Variants in FOXP4 observed in about 807,000 individuals in gnomAD.
FOXP4 encodes forkhead box P4.
Under a neutral mutation model 82.6 loss-of-function variants are expected in FOXP4, and 25 were observed. The ratio of observed to expected loss-of-function variants is 0.30; its 90% CI spans 0.22 to 0.42. FOXP4 has a LOEUF of 0.42. Among genes scored for constraint, FOXP4 ranks in the 10% least tolerant of loss-of-function variants. The probability of loss-of-function intolerance (pLI) is 1.00; values close to 1 mark genes in which losing one functional copy is unlikely to be tolerated. For synonymous variants in FOXP4, 415 were observed against 388.2 expected, an observed-to-expected ratio of 1.07 and a Z score of -0.81; for missense variants, 785 against 900.9, an observed-to-expected ratio of 0.87 and a Z score of 1.65.
intron 1 of FOXP4, among the ~76,000 whole-genome samples, chr6:41,560,749 G>A (rs989941224): frequency 1.3e-5 from 2 of 152,278 alleles, no homozygotes; most frequent in Non-Finnish European, 2.9e-5. Flanking sequence ...CAGGGCGGGC[G>A]GTGCGGGTTC....
chr6:41,568,111 A>G (rs934251412), intron 2 of FOXP4, among the ~76,000 whole-genome samples: 1 of 152,214 alleles, frequency 6.6e-6, no homozygotes, highest in African/African-American at 2.4e-5. Context: ...CTTCAAGGGT[A>G]ACATTTTCTG....
chr6:41,588,771 C>G, intron 9 of FOXP4, 40 bp downstream of exon 9: 5 of 1,604,982 alleles, frequency 3.1e-6, no homozygotes, highest in Non-Finnish European at 4.3e-6. Flanking sequence ...ATGGTGGGCT[C>G]CAGCCCCTGC....
intron 1 of FOXP4, among the ~76,000 whole-genome samples, chr6:41,551,123 C>G (rs369080332): frequency 2.6e-5 from 4 of 152,234 alleles, no homozygotes; most frequent in Admixed American, 2.6e-4. Context: ...CCTCTGAATT[C>G]TGCCACTTTG....
intron 13 of FOXP4, 51 bp from the exon 14 acceptor site, chr6:41,594,819 T>A (rs1466688585): frequency 6.2e-7 from 1 of 1,609,182 alleles, no homozygotes; most frequent in Non-Finnish European, 8.5e-7. Context: ...CTATCATGTT[T>A]GTGCTTGGCC....
At position 41,590,018 on chromosome 6, in the gene FOXP4, A is replaced by G; in HGVS notation, c.1205A>G (p.Asp402Gly). Residue 402 changes from aspartate to glycine, a missense_variant, in exon 11 of 17, where the codon GAC becomes GGC. By Grantham distance (94) the Asp-to-Gly change is moderately conservative. This residue lies in a region of FOXP4 where 570 missense variants were observed against 634.0 expected (regional missense o/e 0.90). Transcript: ENST00000307972. Reference sequence around the variant, plus strand: ...TCCAAGGTGACCGTCTCTGCAGCAGACTCATTCCCAGATGGTCTCGTGCAC... The same window carrying G: ...TCCAAGGTGACCGTCTCTGCAGCAGGCTCATTCCCAGATGGTCTCGTGCAC... ...SFSKVTVSAA[D>G]SFPDGLVHPP... The G allele has an allele frequency of 6.2e-7, 1 of 1,613,456 alleles. No individual in the cohort carries two copies. The highest frequency in any genetic ancestry group is 8.5e-7 in the Non-Finnish European group (1 of 1,179,854).
intron 13 of FOXP4, among the ~76,000 whole-genome samples, chr6:41,592,089 C>A (rs1050343399): frequency 6.6e-5 from 10 of 151,986 alleles, no homozygotes; most frequent in Non-Finnish European, 1.2e-4. Flanking sequence ...AGAGTGTTCG[C>A]CCCTGCAGGG....
In FOXP4 at chr6:41,558,480, G is replaced by A. The variant is rs912078973; in HGVS notation, c.-16-7265G>A. 2.6e-5 allele frequency among the ~76,000 whole-genome samples: 4 copies of A among 152,214 alleles called. No individual in the cohort carries two copies. Among genetic ancestry groups the A allele is most frequent in the African/African-American group, 9.7e-5 (4 of 41,442 alleles). On this transcript the variant is annotated intron_variant, in intron 1 of 16. Transcript: ENST00000307972. This position sits in a 1 kb window ranked among gnomAD's most constrained non-coding sequence, Gnocchi z 4.0. Reference sequence around the variant, plus strand: ...CTTCTCTAAACATCTTCCTCATGCAGTGTGTCTTATTTGATACCACTGCAA... The same window carrying A: ...CTTCTCTAAACATCTTCCTCATGCAATGTGTCTTATTTGATACCACTGCAA...
chr6:41,549,749 G>A (rs1219237219), intron 1 of FOXP4, among the ~76,000 whole-genome samples: 3 of 149,252 alleles, frequency 2.0e-5, no homozygotes, highest in Non-Finnish European at 4.5e-5. Flanking sequence ...AGGGTGGAGG[G>A]GAGAAGAATG....
rs757135709 is a variant in FOXP4, at chr6:41,588,737, G to A, written c.1065+6G>A. 1.9e-6 allele frequency: 3 copies of A among 1,613,184 alleles called. No homozygotes were observed. Among genetic ancestry groups the A allele is most frequent in the Admixed American group, 1.7e-5 (1 of 60,030 alleles). On this transcript the variant is annotated splice_donor_region_variant and intron_variant, in intron 9 of 16. Transcript: ENST00000307972. ...TGCAGCAGCTGGAGATCCAGGTGTG[G>A]CCCGGAAGATGCTGGGGAGGGACAT...
At chr6:41,578,142 G>T in intron 3 of FOXP4, 61 bp downstream of exon 3, 1 of 1,409,290 alleles carries the variant, frequency 7.1e-7, no homozygotes, top group African/African-American at 1.4e-5. Context: ...TGGCACAGAG[G>T]GAGGGCAAGG....
At chr6:41,594,746 CTG>C in intron 13 of FOXP4, 122 bp from the exon 14 acceptor site, 1 of 1,449,196 alleles carries the variant, frequency 6.9e-7, no homozygotes, top group Non-Finnish European at 9.3e-7. Context: ...CCCCCCTCCC[CTG>C]CTCATCCCTG....
At chr6:41,567,193 T>G (rs1402493001) in intron 2 of FOXP4, among the ~76,000 whole-genome samples, 1 of 152,226 alleles carries the variant, frequency 6.6e-6, no homozygotes, top group Non-Finnish European at 1.5e-5. Context: ...TGAGCCTGCC[T>G]GAGCCCTGGC....
chr6:41,556,050 A>C (rs895463979), intron 1 of FOXP4, among the ~76,000 whole-genome samples: 8 of 152,180 alleles, frequency 5.3e-5, no homozygotes, highest in Admixed American at 5.2e-4. Flanking sequence ...GGATGGAGCC[A>C]GTAAAAGGTA....
At chr6:41,588,497 GC>G (rs1255601361) in intron 8 of FOXP4, 146 bp from the exon 9 acceptor site, 3 of 748,446 alleles carry the variant, frequency 4.0e-6, no homozygotes, top group African/African-American at 1.7e-5. Context: ...TTCCTCCATT[GC>G]CCCGTTTTTC....
chr6:41,590,880 A>G (rs1306802801), intron 12 of FOXP4, among the ~76,000 whole-genome samples: 1 of 152,174 alleles, frequency 6.6e-6, no homozygotes, highest in Non-Finnish European at 1.5e-5. Flanking sequence ...CCCCGTGGAC[A>G]TCTCTCCCAA....
In FOXP4 at chr6:41,578,020, A is replaced by C. The variant is rs781774675; in HGVS notation, c.239A>C (p.Gln80Pro). Residue 80 changes from glutamine to proline, a missense_variant, in exon 3 of 17, where the codon CAG (glutamine) becomes CCG (proline). Physicochemically the swap from Gln to Pro is moderately conservative, Grantham distance 76 (BLOSUM62 -1). Transcript: ENST00000307972. ...GTGGCCCGGCAGTTCCTGCTGCAGC[A>C]GGCCTCAGGCCTGAGCTCCCCAGGG... is the stretch of plus-strand genomic sequence containing the variant. ...LQVARQFLLQ[Q>P]ASGLSSPGNN... 2.5e-6 allele frequency: 4 copies of C among 1,613,198 alleles called. No homozygotes were observed. In the African/African-American group the frequency reaches 4.0e-5, roughly 16 times the overall value.
chr6:41,577,951 C>G, intron 2 of FOXP4, 35 bp from the exon 3 acceptor site: 1 of 1,549,184 alleles, frequency 6.5e-7, no homozygotes, highest in African/African-American at 1.4e-5. Flanking sequence ...CACCCAGCCT[C>G]CCAGGCCATT....
chr6:41,581,088 A>T (rs1222689416), intron 3 of FOXP4, among the ~76,000 whole-genome samples: 1 of 152,168 alleles, frequency 6.6e-6, no homozygotes, highest in Admixed American at 6.5e-5. Flanking sequence ...GTCCATCCCC[A>T]TCTGGCATTT....
Position 41,596,311 on chromosome 6 carries a change from C to T in FOXP4, c.1659-865C>T, listed in dbSNP as rs1766830029. ...CCGACCTCAAACAGCCCCACCCCAGCCACCTGCTTGCTGTGCCCCTTGGGC... is the reference window on the plus strand; with the variant it reads ...CCGACCTCAAACAGCCCCACCCCAGTCACCTGCTTGCTGTGCCCCTTGGGC... On this transcript the variant is annotated intron_variant, in intron 14 of 16. Coordinates refer to ENST00000307972, the MANE Select transcript of FOXP4 (RefSeq NM_001012426.2). Among the ~76,000 whole-genome samples the T allele has an allele frequency of 2.0e-5, 3 of 152,190 alleles. No homozygotes were observed. The South Asian group carries it at 6.2e-4, about 32-fold the overall frequency.
Sources: gnomAD v4.1 joint callset for allele counts (sites outside exome capture counted in the v4.1 genomes callset) on GRCh38, gnomAD v4.1.1 for gene constraint, gnomAD v4.1.1 regional missense constraint, Gnocchi (gnomAD v3.1) non-coding constraint, MANE v1.5 for transcripts, NCBI Gene and HGNC (gene_info 2026-07-23, HGNC 2026-07-21) for gene names.